PKP4: variants seen among roughly 807,000 people sequenced by gnomAD.
PKP4 encodes the protein plakophilin-4.
PKP4 carries 90 observed loss-of-function variants against 145.1 expected under a neutral mutation model. The observed-to-expected ratio is 0.62, with a 90% CI of 0.52 to 0.74. The LOEUF is 0.74. Among genes scored for constraint, PKP4 ranks in the 30% least tolerant of loss-of-function variants. The probability of loss-of-function intolerance (pLI) is 0.00; values close to 1 mark genes in which losing one functional copy is unlikely to be tolerated. For missense variants in PKP4, 1,340 were observed against 1,482.7 expected, an observed-to-expected ratio of 0.90 and a Z score of 1.58; for synonymous variants, 563 against 577.2, an observed-to-expected ratio of 0.98 and a Z score of 0.35.
chr2:158,652,944 G>A (rs2055530567), intron 11 of PKP4, among the ~76,000 whole-genome samples: 1 of 152,196 alleles, frequency 6.6e-6, no homozygotes, highest in African/African-American at 2.4e-5. Flanking sequence ...TGAACGTCTT[G>A]TGAAAGAGCA....
In PKP4 at chr2:158,533,326, C is replaced by T. The variant is rs775584138; in HGVS notation, c.132+10C>T. On this transcript the variant is annotated intron_variant, in intron 2 of 21. Coordinates refer to ENST00000389759, the MANE Select transcript of PKP4 (RefSeq NM_003628.6). The stretch of plus-strand genomic sequence containing the variant: ...ATCCGTGAAGGAGCAGGTACATCCT[C>T]GTATTGAAAGTTGCAGTGAATTATT... The T allele has an allele frequency of 3.1e-6, 5 of 1,613,744 alleles. No individual in the cohort carries two copies. The highest frequency in any genetic ancestry group is 2.2e-5 in the East Asian group (1 of 44,874).
chr2:158,494,211 C>A (rs1217740922), intron 1 of PKP4, among the ~76,000 whole-genome samples: 1 of 151,836 alleles, frequency 6.6e-6, no homozygotes, highest in Non-Finnish European at 1.5e-5. Context: ...TTCTACTACT[C>A]TAGGACAGCA....
chr2:158,593,053 G>C (rs1483531790), intron 3 of PKP4, among the ~76,000 whole-genome samples: 1 of 152,054 alleles, frequency 6.6e-6, no homozygotes, highest in Non-Finnish European at 1.5e-5. Context: ...TGCAGTTCTA[G>C]CAGAAAATAG....
chr2:158,603,821 G>T (rs1316182603), intron 4 of PKP4, among the ~76,000 whole-genome samples: 2 of 152,194 alleles, frequency 1.3e-5, no homozygotes, highest in African/African-American at 4.8e-5. Context: ...TGTAATGCTG[G>T]AATAGGCATT....
At chr2:158,637,434 T>C (rs1485239303) in intron 9 of PKP4, among the ~76,000 whole-genome samples, 1 of 152,116 alleles carries the variant, frequency 6.6e-6, no homozygotes, top group Admixed American at 6.6e-5. Flanking sequence ...CTTCGGATAG[T>C]CCACACGCAA....
chr2:158,608,455 C>T (rs986613132), intron 4 of PKP4, among the ~76,000 whole-genome samples: 2 of 152,190 alleles, frequency 1.3e-5, no homozygotes, highest in African/African-American at 4.8e-5. Flanking sequence ...AGTGGCTAAT[C>T]TCCCCTCGCC....
intron 1 of PKP4, among the ~76,000 whole-genome samples, chr2:158,497,209 G>A (rs2105482650): frequency 6.6e-6 from 1 of 152,268 alleles, no homozygotes; most frequent in African/African-American, 2.4e-5. Context: ...CTTCCACCCT[G>A]CAGGAACCTC....
intron 19 of PKP4, among the ~76,000 whole-genome samples, chr2:158,675,135 G>C (rs1462213618): frequency 1.3e-5 from 2 of 152,170 alleles, no homozygotes; most frequent in African/African-American, 4.8e-5. Context: ...CTTGGGAATA[G>C]AGGTGCCAGG....
intron 1 of PKP4, among the ~76,000 whole-genome samples, chr2:158,530,587 TA>T: frequency 6.8e-6 from 1 of 146,774 alleles, no homozygotes; most frequent in African/African-American, 2.5e-5. Context: ...TGATACTTTC[TA>T]ATTCATTAAA....
At chr2:158,558,156 C>T (rs1298325019) in intron 2 of PKP4, among the ~76,000 whole-genome samples, 1 of 152,186 alleles carries the variant, frequency 6.6e-6, no homozygotes, top group African/African-American at 2.4e-5. Context: ...TAAGTGTTAA[C>T]AGTTCCTACT....
At chr2:158,657,652 T>C (rs1417143953) in intron 11 of PKP4, among the ~76,000 whole-genome samples, 2 of 152,206 alleles carry the variant, frequency 1.3e-5, no homozygotes, top group African/African-American at 4.8e-5. Context: ...AGGAAGCAGA[T>C]GAAGAAAAAC....
At chr2:158,484,725 C>T (rs1287943835) in intron 1 of PKP4, among the ~76,000 whole-genome samples, 1 of 152,150 alleles carries the variant, frequency 6.6e-6, no homozygotes, top group Non-Finnish European at 1.5e-5. Context: ...ATTATCTTCG[C>T]TTATAAATGG....
chr2:158,487,048 C>T (rs972138596), intron 1 of PKP4, among the ~76,000 whole-genome samples: 5 of 152,126 alleles, frequency 3.3e-5, no homozygotes, highest in South Asian at 4.1e-4. Flanking sequence ...CCATATGAAA[C>T]GTTACATCAG....
At chr2:158,546,597 C>G (rs1172159210) in intron 2 of PKP4, among the ~76,000 whole-genome samples, 1 of 152,130 alleles carries the variant, frequency 6.6e-6, no homozygotes, top group Non-Finnish European at 1.5e-5. Flanking sequence ...AGAGAGGTGT[C>G]AAATTCAAAC....
At chr2:158,542,410 T>C (rs914050980) in intron 2 of PKP4, among the ~76,000 whole-genome samples, 13 of 152,194 alleles carry the variant, frequency 8.5e-5, no homozygotes, top group African/African-American at 3.1e-4. Context: ...TGAAGGCCTG[T>C]AGGTAAGATT....
intron 2 of PKP4, among the ~76,000 whole-genome samples, chr2:158,570,247 A>G (rs1363275863): frequency 6.6e-6 from 1 of 152,192 alleles, no homozygotes; most frequent in Non-Finnish European, 1.5e-5. Flanking sequence ...TTACAGGACA[A>G]TATTTAGGAT....
intron 1 of PKP4, among the ~76,000 whole-genome samples, chr2:158,491,177 A>T (rs762209773): frequency 6.6e-5 from 10 of 151,998 alleles, no homozygotes; most frequent in Non-Finnish European, 1.3e-4. Flanking sequence ...TCCTTCTGTG[A>T]TGGTTATTTA....
chr2:158,655,176 T>C (rs2055794667), intron 11 of PKP4, among the ~76,000 whole-genome samples: 1 of 152,206 alleles, frequency 6.6e-6, no homozygotes, highest in Non-Finnish European at 1.5e-5. Context: ...ATTGTTTACA[T>C]TGATTTATGA....
intron 1 of PKP4, among the ~76,000 whole-genome samples, chr2:158,520,560 TTC>T (rs1462165707): frequency 6.6e-6 from 1 of 152,244 alleles, no homozygotes; most frequent in Non-Finnish European, 1.5e-5. Context: ...CGCTATATTA[TTC>T]TTTTTCCATT....
Sources: allele counts gnomAD v4.1 joint callset (sites outside exome capture counted in the v4.1 genomes callset), GRCh38; gene constraint gnomAD v4.1.1; transcripts MANE v1.5; gene names NCBI Gene and HGNC (gene_info 2026-07-23, HGNC 2026-07-21).